AGBL1: variants seen among roughly 807,000 people sequenced by gnomAD.
AGBL1 encodes cytosolic carboxypeptidase 4.
AGBL1 carries 130 observed loss-of-function variants against 118.9 expected under a neutral mutation model. The ratio of observed to expected loss-of-function variants is 1.09; its 90% CI spans 0.95 to 1.26. AGBL1 has a LOEUF of 1.26. Ranked by LOEUF, AGBL1 falls within the 50% of genes most tolerant of loss-of-function variation. The pLI is 0.00. For synonymous variants in AGBL1, 555 were observed against 478.9 expected, an observed-to-expected ratio of 1.16 and a Z score of -2.08; for missense variants, 1,584 against 1,298.1, an observed-to-expected ratio of 1.22 and a Z score of -3.38.
At chr15:86,437,654 C>A (rs995800172) in intron 18 of AGBL1, among the ~76,000 whole-genome samples, 1 of 152,204 alleles carries the variant, frequency 6.6e-6, no homozygotes, top group Non-Finnish European at 1.5e-5. Context: ...AGAACATCAA[C>A]AGTTTCATCT....
At chr15:86,896,827 A>G (rs2080135719) in intron 22 of AGBL1, among the ~76,000 whole-genome samples, 1 of 152,120 alleles carries the variant, frequency 6.6e-6, no homozygotes, top group Non-Finnish European at 1.5e-5. Flanking sequence ...TATGTTTATT[A>G]TAACATAGTT....
intron 5 of AGBL1, among the ~76,000 whole-genome samples, chr15:86,218,352 G>A (rs1451183797): frequency 6.6e-6 from 1 of 152,156 alleles, no homozygotes; most frequent in East Asian, 1.9e-4. Flanking sequence ...GGGACGTCTG[G>A]GGAGGGTCAA....
At chr15:86,425,859 A>G (rs187011163) in intron 18 of AGBL1, among the ~76,000 whole-genome samples, 4 of 152,164 alleles carry the variant, frequency 2.6e-5, no homozygotes, top group Non-Finnish European at 4.4e-5. Flanking sequence ...ACTCATCTGT[A>G]TAATCTTTTT....
chr15:86,508,192 G>T (rs780116815), intron 18 of AGBL1, among the ~76,000 whole-genome samples: 6 of 151,862 alleles, frequency 4.0e-5, no homozygotes, highest in Admixed American at 6.6e-5. Context: ...AAAGTGCTGG[G>T]ATTACAGGCG....
intron 18 of AGBL1, among the ~76,000 whole-genome samples, chr15:86,504,844 G>A (rs1302367100): frequency 6.6e-6 from 1 of 151,682 alleles, no homozygotes; most frequent in African/African-American, 2.4e-5. Context: ...ATTTACGTAT[G>A]TATTAACTTT....
At chr15:86,390,595 T>C (rs985414292) in intron 17 of AGBL1, among the ~76,000 whole-genome samples, 1 of 149,750 alleles carries the variant, frequency 6.7e-6, no homozygotes, top group Non-Finnish European at 1.5e-5. Context: ...TCCAACAACA[T>C]AGATAGCTCC....
At chr15:86,368,138 A>G (rs903972228) in intron 17 of AGBL1, among the ~76,000 whole-genome samples, 4 of 152,132 alleles carry the variant, frequency 2.6e-5, no homozygotes, top group African/African-American at 9.7e-5. Flanking sequence ...GAGGATAAAG[A>G]TGCATCCAGG....
At chr15:86,980,848 A>T (rs1025519596) in intron 23 of AGBL1, among the ~76,000 whole-genome samples, 58 of 150,202 alleles carry the variant, frequency 3.9e-4, no homozygotes, top group African/African-American at 1.2e-3. Context: ...AGCTTTATCT[A>T]CTGTCTACTA....
intron 5 of AGBL1, among the ~76,000 whole-genome samples, chr15:86,218,627 A>G (rs2078228570): frequency 6.6e-6 from 1 of 152,198 alleles, no homozygotes. Flanking sequence ...GTCATTGCAT[A>G]TGTACTCTCT....
chr15:86,897,441 C>T (rs1263174352), intron 22 of AGBL1, among the ~76,000 whole-genome samples: 1 of 151,962 alleles, frequency 6.6e-6, no homozygotes, highest in Non-Finnish European at 1.5e-5. Flanking sequence ...TATATTTTCC[C>T]ATTACATTGA....
intron 22 of AGBL1, among the ~76,000 whole-genome samples, chr15:86,841,894 C>G (rs2079250939): frequency 6.6e-6 from 1 of 151,992 alleles, no homozygotes. Context: ...ATTTAAATAC[C>G]AGCTCTACCA....
chr15:86,275,256 C>A (rs958808092), intron 15 of AGBL1, among the ~76,000 whole-genome samples: 2 of 152,060 alleles, frequency 1.3e-5, no homozygotes, highest in South Asian at 4.2e-4. Flanking sequence ...TATCTCCGCT[C>A]GTGAGAGGAG....
chr15:86,971,279 G>T (rs562296351), intron 23 of AGBL1, among the ~76,000 whole-genome samples: 1 of 152,004 alleles, frequency 6.6e-6, no homozygotes, highest in Admixed American at 6.6e-5. Flanking sequence ...CCTGAGAGAA[G>T]TATATTTCTT....
intron 17 of AGBL1, among the ~76,000 whole-genome samples, chr15:86,355,942 C>G (rs141127655): frequency 1.3e-5 from 2 of 152,320 alleles, no homozygotes; most frequent in Non-Finnish European, 2.9e-5. Flanking sequence ...TAATGATGCA[C>G]TCATGGGAGC....
chr15:86,827,351 ATATATATATATG>A (rs2079029790), intron 22 of AGBL1, among the ~76,000 whole-genome samples: 1 of 11,266 alleles, frequency 8.9e-5, no homozygotes, highest in Non-Finnish European at 1.2e-4. Flanking sequence ...GTATATATAT[ATATATATATATG>A]TGTGTGTATA....
At chr15:86,466,834 C>A (rs931810942) in intron 18 of AGBL1, among the ~76,000 whole-genome samples, 1 of 152,222 alleles carries the variant, frequency 6.6e-6, no homozygotes, top group Non-Finnish European at 1.5e-5. Flanking sequence ...GGCTGCAGAA[C>A]AGCAAAAATT....
intron 22 of AGBL1, among the ~76,000 whole-genome samples, chr15:86,882,474 C>T (rs1319611388): frequency 2.0e-5 from 3 of 152,174 alleles, no homozygotes; most frequent in Non-Finnish European, 4.4e-5. Flanking sequence ...TGAGTTGGTT[C>T]TGACACTACT....
intron 22 of AGBL1, among the ~76,000 whole-genome samples, chr15:86,702,224 C>T (rs1481852644): frequency 1.3e-5 from 2 of 151,966 alleles, no homozygotes; most frequent in Non-Finnish European, 2.9e-5. Flanking sequence ...TAAGCCATGA[C>T]AAATATTAAA....
intron 1 of AGBL1, among the ~76,000 whole-genome samples, chr15:86,124,562 G>T (rs969753715): frequency 1.3e-5 from 2 of 151,974 alleles, no homozygotes; most frequent in Non-Finnish European, 2.9e-5. Context: ...ATATTTTAAA[G>T]ATTTTTTCTC....
Sources: allele counts gnomAD v4.1 joint callset (sites outside exome capture counted in the v4.1 genomes callset), GRCh38; gene constraint gnomAD v4.1.1; transcripts MANE v1.5; gene names NCBI Gene and HGNC (gene_info 2026-07-23, HGNC 2026-07-21).